Variants in ENAH observed in about 807,000 individuals in gnomAD.
ENAH encodes protein enabled homolog.
ENAH carries 23 observed loss-of-function variants against 78.7 expected under a neutral mutation model. The ratio of observed to expected loss-of-function variants is 0.29; its 90% CI spans 0.21 to 0.41. ENAH has a LOEUF of 0.41. Among genes scored for constraint, ENAH ranks in the 10% least tolerant of loss-of-function variants. The probability of loss-of-function intolerance (pLI) is 1.00; values close to 1 mark genes in which losing one functional copy is unlikely to be tolerated. For missense variants in ENAH, 544 were observed against 691.0 expected (o/e 0.79, Z 2.39); for synonymous variants, 226 against 241.0 (o/e 0.94, Z 0.58).
intron 2 of ENAH, among the ~76,000 whole-genome samples, chr1:225,555,351 G>A (rs1041111777): frequency 6.6e-6 from 1 of 152,154 alleles, no homozygotes; most frequent in African/African-American, 2.4e-5. Flanking sequence ...GAGGGCTCGA[G>A]GCAGGCAGAT....
At chr1:225,578,204 C>T (rs2096797362) in intron 1 of ENAH, among the ~76,000 whole-genome samples, 1 of 152,170 alleles carries the variant, frequency 6.6e-6, no homozygotes. Context: ...GTGGCTCTAA[C>T]CTGCAATCCC....
intron 3 of ENAH, among the ~76,000 whole-genome samples, chr1:225,544,815 A>G (rs534477037): frequency 2.0e-4 from 31 of 152,364 alleles, no homozygotes; most frequent in African/African-American, 6.3e-4. Flanking sequence ...ATGAATATGT[A>G]ATTCAGATAT....
At chr1:225,650,655 C>A (rs530413390) in intron 1 of ENAH, among the ~76,000 whole-genome samples, 3 of 151,948 alleles carry the variant, frequency 2.0e-5, no homozygotes, top group African/African-American at 7.2e-5. Flanking sequence ...TGGAGACCAT[C>A]CTGGCTAACA....
intron 10 of ENAH, among the ~76,000 whole-genome samples, chr1:225,509,130 G>C (rs2096357015): frequency 6.6e-6 from 1 of 152,142 alleles, no homozygotes; most frequent in South Asian, 2.1e-4. Flanking sequence ...GACCGCCACA[G>C]TGGTGTCAAG....
chr1:225,653,776 C>T (rs549030492), upstream of ENAH, among the ~76,000 whole-genome samples: 45 of 152,374 alleles, frequency 3.0e-4, 2 homozygotes, highest in South Asian at 9.3e-3. The surrounding 1 kb of genome is among the most constrained non-coding windows in gnomAD (Gnocchi z 4.3). Context: ...ACTGCCCGCC[C>T]TCGCCGCGGC....
intron 1 of ENAH, among the ~76,000 whole-genome samples, chr1:225,613,692 A>C (rs1184328239): frequency 6.6e-6 from 1 of 152,208 alleles, no homozygotes; most frequent in African/African-American, 2.4e-5. Flanking sequence ...CTTCCTAATA[A>C]GGGATAATGC....
intron 1 of ENAH, among the ~76,000 whole-genome samples, chr1:225,604,653 C>T (rs2096947472): frequency 2.0e-5 from 3 of 149,494 alleles, no homozygotes; most frequent in Admixed American, 6.7e-5. Flanking sequence ...ATTAGCCAGG[C>T]ATGGTGGTGG....
chr1:225,553,616 G>C (rs991127300), intron 3 of ENAH, among the ~76,000 whole-genome samples: 2 of 151,430 alleles, frequency 1.3e-5, no homozygotes, highest in African/African-American at 4.8e-5. Flanking sequence ...CTTCCCTATG[G>C]TAAAACTACA....
chr1:225,550,596 T>C (rs865973496), intron 3 of ENAH, among the ~76,000 whole-genome samples: 1 of 152,214 alleles, frequency 6.6e-6, no homozygotes, highest in Non-Finnish European at 1.5e-5. Context: ...TTAAATGCTG[T>C]GATAAAACTC....
At chr1:225,639,405 C>T (rs1016765656) in intron 1 of ENAH, among the ~76,000 whole-genome samples, 4 of 152,102 alleles carry the variant, frequency 2.6e-5, no homozygotes, top group African/African-American at 9.7e-5. Context: ...TGTAACAGTA[C>T]TAAGAAGTGA....
chr1:225,588,724 G>C (rs534083862), intron 1 of ENAH, among the ~76,000 whole-genome samples: 1 of 146,020 alleles, frequency 6.8e-6, no homozygotes, highest in South Asian at 2.2e-4. Flanking sequence ...AGAATCGCCT[G>C]AACATGGGAG....
intron 7 of ENAH, among the ~76,000 whole-genome samples, chr1:225,514,307 T>C (rs1420400994): frequency 6.6e-6 from 1 of 151,986 alleles, no homozygotes; most frequent in Non-Finnish European, 1.5e-5. Context: ...GCTGGGATTA[T>C]AGGCATGTGT....
At chr1:225,628,846 T>C (rs529476931) in intron 1 of ENAH, among the ~76,000 whole-genome samples, 297 of 145,236 alleles carry the variant, frequency 2.0e-3, no homozygotes, top group African/African-American at 7.3e-3. Context: ...GCGGAGGTTG[T>C]GGTGAGTGGA....
chr1:225,652,662 GC>G (rs1422043173), intron 1 of ENAH, 23 bp downstream of exon 1: 6 of 1,274,392 alleles, frequency 4.7e-6, no homozygotes, highest in South Asian at 2.6e-5. Context: ...GGCCCGCCCG[GC>G]CCCCGCCCCG....
intron 2 of ENAH, among the ~76,000 whole-genome samples, chr1:225,565,161 C>T (rs544509194): frequency 3.3e-5 from 5 of 152,272 alleles, no homozygotes; most frequent in South Asian, 4.1e-4. Flanking sequence ...CCGAGCCTGG[C>T]GCGGTGGCTC....
intron 1 of ENAH, among the ~76,000 whole-genome samples, chr1:225,614,187 T>C (rs1252805614): frequency 1.3e-5 from 2 of 151,972 alleles, no homozygotes; most frequent in African/African-American, 4.8e-5. Context: ...GCCTCCTAAG[T>C]AGCTGGGATT....
At chr1:225,600,017 C>T (rs921021480) in intron 1 of ENAH, among the ~76,000 whole-genome samples, 12 of 152,046 alleles carry the variant, frequency 7.9e-5, no homozygotes, top group African/African-American at 2.7e-4. Context: ...TGTGACATGC[C>T]TACTCCCACT....
At chr1:225,508,154 T>C in intron 10 of ENAH, 137 bp from the exon 11 acceptor site, 1 of 488,176 alleles carries the variant, frequency 2.0e-6, no homozygotes, top group Non-Finnish European at 3.4e-6. Flanking sequence ...TTCTAAACTT[T>C]AATTGAAATC....
intron 3 of ENAH, among the ~76,000 whole-genome samples, chr1:225,549,482 G>A (rs2096631267): frequency 6.6e-6 from 1 of 152,052 alleles, no homozygotes; most frequent in South Asian, 2.1e-4. Flanking sequence ...ACATCTTACT[G>A]ACAAAGAGAA....
Sources: gnomAD v4.1 joint callset for allele counts (sites outside exome capture counted in the v4.1 genomes callset) on GRCh38, gnomAD v4.1.1 for gene constraint, Gnocchi (gnomAD v3.1) non-coding constraint, MANE v1.5 for transcripts, NCBI Gene and HGNC (gene_info 2026-07-23, HGNC 2026-07-21) for gene names.